MTUS2: variants seen among roughly 807,000 people sequenced by gnomAD.
MTUS2 encodes the protein microtubule-associated tumor suppressor candidate 2.
A neutral mutation model predicts 114.1 loss-of-function variants in MTUS2; 40 were observed. The observed-to-expected ratio is 0.35, with a 90% CI of 0.27 to 0.46. MTUS2 has a LOEUF of 0.46. MTUS2 is among the 20% of genes least tolerant of loss of function. MTUS2 has a pLI of 1.00. For missense variants in MTUS2, 1,679 were observed against 1,705.4 expected (o/e 0.98, Z 0.27); for synonymous variants, 688 against 672.0 (o/e 1.02, Z -0.37).
intron 6 of MTUS2, among the ~76,000 whole-genome samples, chr13:29,304,670 C>T (rs147281836): frequency 6.4e-4 from 97 of 152,268 alleles, no homozygotes; most frequent in Non-Finnish European, 1.1e-3. Flanking sequence ...GGGACTTAAA[C>T]TCCCACAGAA....
rs112232156 is a variant in MTUS2 at position 28,983,813 on chromosome 13, C to T, written c.-242-40644C>T. ...CACTCTGTCTCAATCAGTTTAACAA[C>T]TACTAACACTAAACTAACAGGCTGC... On this transcript the variant is annotated intron_variant, in intron 2 of 15. Coordinates refer to ENST00000612955, the MANE Select transcript of MTUS2 (RefSeq NM_001033602.4). Among the ~76,000 whole-genome samples the T allele has an allele frequency of 2.7e-3, 415 of 152,340 alleles. 2 individuals are homozygous for T. The highest frequency in any genetic ancestry group is 9.7e-3 in the African/African-American group (405 of 41,572).
intron 5 of MTUS2, among the ~76,000 whole-genome samples, chr13:29,236,264 C>T (rs1593203323): frequency 6.6e-6 from 1 of 152,120 alleles, no homozygotes; most frequent in Non-Finnish European, 1.5e-5. Context: ...TTTATTGTCT[C>T]TTAGCACAGT....
intron 2 of MTUS2, among the ~76,000 whole-genome samples, chr13:28,879,275 A>G (rs1225451858): frequency 6.6e-6 from 1 of 151,810 alleles, no homozygotes; most frequent in Non-Finnish European, 1.5e-5. Context: ...TTGTCTGTTC[A>G]CTCTGTTGAT....
At chr13:28,942,261 A>G (rs1293896686) in intron 2 of MTUS2, among the ~76,000 whole-genome samples, 1 of 152,206 alleles carries the variant, frequency 6.6e-6, no homozygotes, top group East Asian at 1.9e-4. Context: ...AGGGAAATGC[A>G]ACGAAACCAC....
intron 5 of MTUS2, among the ~76,000 whole-genome samples, chr13:29,189,541 A>G (rs1483866352): frequency 2.0e-5 from 3 of 152,050 alleles, no homozygotes; most frequent in Non-Finnish European, 4.4e-5. Context: ...GGACAGTAAA[A>G]AAAAAAAGAA....
At position 29,099,591 on chromosome 13, in the gene MTUS2, A is replaced by G. The variant is rs149874080; in HGVS notation, c.2447-1182A>G. On this transcript the variant is annotated intron_variant, in intron 4 of 15. Transcript: ENST00000612955. ...GTGGAATTTTTTTTTCAAATGGGTCATTTAATCTAAATCCTCGTTTACTCT... is the reference window on the plus strand; with the variant it reads ...GTGGAATTTTTTTTTCAAATGGGTCGTTTAATCTAAATCCTCGTTTACTCT... 9.5e-3 allele frequency among the ~76,000 whole-genome samples: 1,448 copies of G among 152,234 alleles called. 25 individuals carry two copies. The highest frequency in any genetic ancestry group is 0.033 in the African/African-American group (1,375 of 41,534).
At chr13:29,402,790 G>A (rs150083029) in intron 8 of MTUS2, among the ~76,000 whole-genome samples, 42 of 152,126 alleles carry the variant, frequency 2.8e-4, no homozygotes, top group African/African-American at 7.7e-4. Flanking sequence ...ATGGAGTCTC[G>A]CTCTGTCACG....
chr13:28,830,583 T>C (rs1306916979), intron 1 of MTUS2, among the ~76,000 whole-genome samples: 3 of 151,922 alleles, frequency 2.0e-5, no homozygotes, highest in South Asian at 2.1e-4. Context: ...TGAAAATAAA[T>C]CAATTGAAAT....
chr13:29,307,853 C>G, intron 6 of MTUS2: 1 of 647,922 alleles, frequency 1.5e-6, no homozygotes, highest in Non-Finnish European at 2.8e-6. Flanking sequence ...CTGGGGGACA[C>G]TTAGTCCCCC....
intron 4 of MTUS2, among the ~76,000 whole-genome samples, chr13:29,060,480 C>T (rs909447310): frequency 2.0e-5 from 3 of 151,478 alleles, no homozygotes; most frequent in Non-Finnish European, 4.4e-5. Flanking sequence ...AGCTTCACCC[C>T]TCTCCGCTGT....
At chr13:28,824,268 C>G (rs1314653101) in intron 1 of MTUS2, among the ~76,000 whole-genome samples, 1 of 152,178 alleles carries the variant, frequency 6.6e-6, no homozygotes, top group African/African-American at 2.4e-5. Flanking sequence ...TTCTCTGTGC[C>G]TTTGAGATAT....
At chr13:29,419,975 A>C (rs1204350662) in intron 8 of MTUS2, among the ~76,000 whole-genome samples, 2 of 152,198 alleles carry the variant, frequency 1.3e-5, no homozygotes, top group African/African-American at 4.8e-5. Context: ...GCATCTTCCC[A>C]TAAACAGTTC....
At chr13:29,143,856 A>C (rs1342824202) in intron 5 of MTUS2, among the ~76,000 whole-genome samples, 2 of 152,226 alleles carry the variant, frequency 1.3e-5, no homozygotes, top group Admixed American at 1.3e-4. Context: ...TTTCTTAGAA[A>C]AGGAAATAGT....
chr13:29,246,895 TAAA>T (rs56102503), intron 5 of MTUS2, among the ~76,000 whole-genome samples: 6 of 136,786 alleles, frequency 4.4e-5, no homozygotes, highest in Admixed American at 7.1e-5. Context: ...TTCACATAAC[TAAA>T]AAAAAAAAAA....
At chr13:29,227,019 A>C (rs1383963226) in intron 5 of MTUS2, among the ~76,000 whole-genome samples, 2 of 152,070 alleles carry the variant, frequency 1.3e-5, no homozygotes, top group Admixed American at 6.6e-5. Flanking sequence ...GCACTTTGGG[A>C]GGCTGAGGCA....
At chr13:29,054,959 T>C (rs149625184) in intron 4 of MTUS2, among the ~76,000 whole-genome samples, 2 of 152,252 alleles carry the variant, frequency 1.3e-5, no homozygotes, top group Admixed American at 1.3e-4. Context: ...TATGAATCTT[T>C]ATAAGCTTAT....
At chr13:28,861,205 G>C (rs1040203971) in intron 2 of MTUS2, among the ~76,000 whole-genome samples, 4 of 152,172 alleles carry the variant, frequency 2.6e-5, no homozygotes, top group Non-Finnish European at 4.4e-5. Context: ...GTGATAGAAT[G>C]TAATACTTTT....
chr13:28,836,036 C>A (rs1410589640), intron 1 of MTUS2, among the ~76,000 whole-genome samples: 1 of 152,018 alleles, frequency 6.6e-6, no homozygotes, highest in Non-Finnish European at 1.5e-5. Context: ...AGTTAAGGTA[C>A]ACTTTATAGG....
At chr13:29,485,695 G>A (rs891957763) in intron 10 of MTUS2, among the ~76,000 whole-genome samples, 3 of 152,208 alleles carry the variant, frequency 2.0e-5, no homozygotes, top group Non-Finnish European at 4.4e-5. Context: ...CAGCAAGCCA[G>A]AATGGCATAC....
Sources: allele counts gnomAD v4.1 joint callset (sites outside exome capture counted in the v4.1 genomes callset), GRCh38; gene constraint gnomAD v4.1.1; transcripts MANE v1.5; gene names NCBI Gene and HGNC (gene_info 2026-07-23, HGNC 2026-07-21).